The following FOXP1 variants were observed in gnomAD, a reference collection of about 807,000 sequenced individuals.
FOXP1 encodes the protein forkhead box P1.
A neutral mutation model predicts 98.2 loss-of-function variants in FOXP1; 15 were observed. The ratio of observed to expected loss-of-function variants is 0.15; its 90% CI spans 0.10 to 0.24. The LOEUF is 0.24. Among genes scored for constraint, FOXP1 ranks in the 10% least tolerant of loss-of-function variants. FOXP1 has a pLI of 1.00. For missense variants in FOXP1, 633 were observed against 848.5 expected (o/e 0.75, Z 3.15); for synonymous variants, 371 against 314.5 (o/e 1.18, Z -1.90).
At chr3:71,423,766 G>A (rs747149656) in intron 3 of FOXP1, among the ~76,000 whole-genome samples, 29 of 152,148 alleles carry the variant, frequency 1.9e-4, no homozygotes, top group Non-Finnish European at 3.2e-4. Flanking sequence ...ACCCTGGCAG[G>A]GAAGTGCTAT....
chr3:71,501,580 C>T lies in FOXP1; in HGVS notation c.-297-8025G>A, dbSNP rs578130147. On this transcript the variant is annotated intron_variant, in intron 2 of 20. Transcript: ENST00000649528. Reference sequence around the variant, plus strand: ...TTGCTGGGATTATAGGCGTGAGCCACCGTGCCCAGCCCAAAAGGTGAAAAC... The same window carrying T: ...TTGCTGGGATTATAGGCGTGAGCCATCGTGCCCAGCCCAAAAGGTGAAAAC... Among the ~76,000 whole-genome samples, 13 of 152,298 alleles carry T rather than the reference C, an allele frequency of 8.5e-5. No homozygotes were observed. In the South Asian group the frequency reaches 2.5e-3, roughly 29 times the overall value.
chr3:71,139,227 G>A (rs138578654), intron 6 of FOXP1, among the ~76,000 whole-genome samples: 17 of 152,198 alleles, frequency 1.1e-4, no homozygotes, highest in African/African-American at 3.6e-4. Context: ...AGAATCTCCT[G>A]GTCCTCTGTT....
intron 4 of FOXP1, among the ~76,000 whole-genome samples, chr3:71,328,352 A>C (rs2076050234): frequency 6.6e-6 from 1 of 152,256 alleles, no homozygotes; most frequent in African/African-American, 2.4e-5. Context: ...ACTGTGCTCC[A>C]CACATAGATC....
intron 7 of FOXP1, among the ~76,000 whole-genome samples, chr3:71,087,373 C>A (rs1050479978): frequency 3.9e-5 from 6 of 152,178 alleles, no homozygotes; most frequent in Non-Finnish European, 8.8e-5. Flanking sequence ...CAACAAAATA[C>A]CGGTTTTGTC....
chr3:71,114,242 T>C (rs1279718186), intron 6 of FOXP1, among the ~76,000 whole-genome samples: 1 of 152,128 alleles, frequency 6.6e-6, no homozygotes, highest in African/African-American at 2.4e-5. Flanking sequence ...ACAACATGGA[T>C]ATTTACAAGA....
intron 2 of FOXP1, among the ~76,000 whole-genome samples, chr3:71,544,060 T>TATACAC: frequency 6.6e-6 from 1 of 151,540 alleles, no homozygotes; most frequent in East Asian, 1.9e-4. Flanking sequence ...TGTATACACA[T>TATACAC]ACATATACAC....
Position 71,546,736 on chromosome 3 carries a change from CAG to C in FOXP1, c.-298+34811_-298+34812del, listed in dbSNP as rs575366313. Among the ~76,000 whole-genome samples, 139 of 152,268 alleles carry C rather than the reference CAG, an allele frequency of 9.1e-4. 1 individual carries two copies. Among genetic ancestry groups the C allele is most frequent in the African/African-American group, 3.2e-3 (135 of 41,556 alleles). ...TGCTCATTTCTAAGAGGCTCCTGGA[CAG>C]TGAAGTCAGGGAGCTGCCTAGCCTC... On this transcript the variant is annotated intron_variant, in intron 2 of 20. Transcript: ENST00000649528.
At chr3:71,088,459 T>C (rs1309585861) in intron 7 of FOXP1, among the ~76,000 whole-genome samples, 2 of 152,010 alleles carry the variant, frequency 1.3e-5, no homozygotes, top group Non-Finnish European at 2.9e-5. Context: ...TCCCGGCTGC[T>C]TTCTCTGCTG....
At chr3:71,281,052 A>AAAG (rs1399081992) in intron 5 of FOXP1, among the ~76,000 whole-genome samples, 1 of 150,548 alleles carries the variant, frequency 6.6e-6, no homozygotes, top group African/African-American at 2.4e-5. Flanking sequence ...AAAAAAAAAA[A>AAAG]AAAAAAAAAG....
intron 7 of FOXP1, among the ~76,000 whole-genome samples, chr3:71,067,763 C>CACACACACACACACAA (rs374096871): frequency 3.9e-4 from 59 of 149,888 alleles, no homozygotes; most frequent in African/African-American, 1.4e-3. Context: ...CACACACACA[C>CACACACACACACACAA]AATTAGCCAC....
chr3:71,397,049 C>CACATATATATGTGTATATATATAT (rs544903715), intron 3 of FOXP1, among the ~76,000 whole-genome samples: 1 of 41,398 alleles, frequency 2.4e-5, no homozygotes, highest in Non-Finnish European at 4.7e-5. Flanking sequence ...TATATATATA[C>CACATATATATGTGTATATATATAT]ACATATATAT....
intron 2 of FOXP1, among the ~76,000 whole-genome samples, chr3:71,522,787 G>A (rs1363977473): frequency 6.6e-6 from 1 of 152,156 alleles, no homozygotes; most frequent in East Asian, 1.9e-4. Context: ...CACAGAGAAT[G>A]CAGTGGTCTC....
chr3:71,561,390 A>C (rs1160592956), intron 2 of FOXP1, among the ~76,000 whole-genome samples: 3 of 138,962 alleles, frequency 2.2e-5, no homozygotes, highest in Admixed American at 1.5e-4. Flanking sequence ...TATGAATTCT[A>C]TCTCAATAAA....
intron 4 of FOXP1, among the ~76,000 whole-genome samples, chr3:71,330,925 C>G (rs937434661): frequency 4.6e-5 from 7 of 152,246 alleles, no homozygotes; most frequent in African/African-American, 1.7e-4. Context: ...TCAGGCCAGG[C>G]ACAGTGGCTC....
chr3:71,300,997 TG>T (rs145624288), intron 4 of FOXP1, among the ~76,000 whole-genome samples: 1 of 152,300 alleles, frequency 6.6e-6, no homozygotes, highest in Non-Finnish European at 1.5e-5. Flanking sequence ...TTTGAGGAAT[TG>T]ATCCGAGGCC....
intron 2 of FOXP1, among the ~76,000 whole-genome samples, chr3:71,535,490 A>G (rs1268257867): frequency 6.6e-6 from 1 of 152,130 alleles, no homozygotes; most frequent in African/African-American, 2.4e-5. Context: ...GGATCACTTG[A>G]GGCCAGGAGT....
intron 6 of FOXP1, among the ~76,000 whole-genome samples, chr3:71,113,779 A>AAATAAAAT (rs2058140498): frequency 7.1e-6 from 1 of 141,198 alleles, no homozygotes; most frequent in Non-Finnish European, 1.6e-5. Flanking sequence ...TAAAAAAAGA[A>AAATAAAAT]AAAAACAATG....
chr3:71,258,843 C>A (rs1384621409), intron 5 of FOXP1, among the ~76,000 whole-genome samples: 1 of 152,098 alleles, frequency 6.6e-6, no homozygotes, highest in Non-Finnish European at 1.5e-5. Context: ...TGACAGTAGC[C>A]CTAAGAATGG....
intron 2 of FOXP1, among the ~76,000 whole-genome samples, chr3:71,550,214 C>T (rs1407833030): frequency 1.3e-5 from 2 of 152,182 alleles, no homozygotes; most frequent in African/African-American, 4.8e-5. Context: ...TCTCTCATCT[C>T]CATGATCCCC....
Sources: allele counts gnomAD v4.1 joint callset (sites outside exome capture counted in the v4.1 genomes callset), GRCh38; gene constraint gnomAD v4.1.1; transcripts MANE v1.5; gene names NCBI Gene and HGNC (gene_info 2026-07-23, HGNC 2026-07-21).